Variants in GABPA observed in about 807,000 individuals in gnomAD.
GABPA encodes GA binding protein transcription factor subunit alpha, also known as GA-binding protein alpha chain.
Under a neutral mutation model 59.4 loss-of-function variants are expected in GABPA, and 4 were observed. That is an observed-to-expected ratio of 0.07 (90% CI 0.03 to 0.15). The LOEUF (loss-of-function observed/expected upper bound fraction) is 0.15, where lower values mean the gene tolerates loss of function less well. Ranked by LOEUF, GABPA falls within the 10% of genes least tolerant of loss-of-function variation. The pLI is 1.00. For synonymous variants in GABPA, 164 were observed against 183.1 expected (o/e 0.90, Z 0.84); for missense variants, 251 against 543.8 (o/e 0.46, Z 5.36).
At chr21:25,753,599 C>T (rs2035564903) in intron 5 of GABPA, among the ~76,000 whole-genome samples, 1 of 152,122 alleles carries the variant, frequency 6.6e-6, no homozygotes, top group South Asian at 2.1e-4. Context: ...AGAATGCTGA[C>T]TGATATCTAT....
In GABPA at chr21:25,771,287, T is replaced by C. The variant is rs995922831; in HGVS notation, c.*2055T>C. 6.6e-6 allele frequency: 1 copy of C among 152,014 alleles called. No individual in the cohort carries two copies. The highest frequency in any genetic ancestry group is 1.5e-5 in the Non-Finnish European group (1 of 67,880). The allele number at this position is 152,014 out of a possible 1,614,324, so 9.4% of individuals were successfully genotyped here. ...GTGTATGTTTTTAAAGCTAAAAACA[T>C]TACTTTTAGATCCCTAGAATGAAAA... On this transcript the variant is annotated 3_prime_UTR_variant, in exon 10 of 10. Coordinates refer to ENST00000400075, the MANE Select transcript of GABPA (RefSeq NM_002040.4).
chr21:25,750,169 G>T (rs1223033198), intron 4 of GABPA, among the ~76,000 whole-genome samples: 1 of 152,180 alleles, frequency 6.6e-6, no homozygotes, highest in African/African-American at 2.4e-5. Context: ...CGCATGTGCA[G>T]CTCACAGTAG....
At chr21:25,767,463 T>C (rs903656477) in intron 9 of GABPA, among the ~76,000 whole-genome samples, 7 of 151,992 alleles carry the variant, frequency 4.6e-5, no homozygotes, top group Non-Finnish European at 8.8e-5. Flanking sequence ...TAAATGCTAC[T>C]ATATACAGTT....
intron 6 of GABPA, among the ~76,000 whole-genome samples, chr21:25,761,348 A>T (rs188574423): frequency 6.6e-6 from 1 of 152,188 alleles, no homozygotes; most frequent in Non-Finnish European, 1.5e-5. Flanking sequence ...TATAGTCAGT[A>T]AGAGCTAAGA....
intron 3 of GABPA, among the ~76,000 whole-genome samples, chr21:25,746,382 T>A (rs886556781): frequency 6.6e-6 from 1 of 152,182 alleles, no homozygotes; most frequent in Non-Finnish European, 1.5e-5. Context: ...ATCGTTTGAT[T>A]TATTTTATTC....
At chr21:25,760,572 A>G (rs2035741602) in intron 6 of GABPA, among the ~76,000 whole-genome samples, 1 of 152,036 alleles carries the variant, frequency 6.6e-6, no homozygotes, top group South Asian at 2.1e-4. Context: ...TAATTAGGAA[A>G]TGTCCCAGTA....
At position 25,771,127 on chromosome 21, in the gene GABPA, A is replaced by T. The variant is rs981459158; in HGVS notation, c.*1895A>T. The stretch of plus-strand genomic sequence containing the variant: ...TTGACAAGTTGCTTGTAGTTTTAAA[A>T]AAATAATAAAGTATACCCTTCTGGT... On this transcript the variant is annotated 3_prime_UTR_variant, in exon 10 of 10. Transcript: ENST00000400075. The T allele has an allele frequency of 4.6e-5, 7 of 152,020 alleles. No individual in the cohort carries two copies. The highest frequency in any genetic ancestry group is 1.4e-4 in the African/African-American group (6 of 41,450). 9.4% of individuals were successfully genotyped at this position (152,020 alleles called of 1,614,324 possible). A position where few individuals can be genotyped will look rare whatever the true frequency, so the allele number is the denominator to read the frequency against.
chr21:25,767,829 A>C (rs1601159021), intron 9 of GABPA, among the ~76,000 whole-genome samples: 1 of 151,860 alleles, frequency 6.6e-6, no homozygotes, highest in Non-Finnish European at 1.5e-5. Flanking sequence ...AAACATAACT[A>C]TTTTTCTTTT....
chr21:25,736,737 C>G (rs1375591056), intron 1 of GABPA, among the ~76,000 whole-genome samples: 1 of 152,156 alleles, frequency 6.6e-6, no homozygotes, highest in Non-Finnish European at 1.5e-5. Context: ...AAAAATCATG[C>G]AGTGAACACG....
At chr21:25,750,662 C>A (rs1297907146) in intron 4 of GABPA, among the ~76,000 whole-genome samples, 1 of 152,202 alleles carries the variant, frequency 6.6e-6, no homozygotes, top group Non-Finnish European at 1.5e-5. Flanking sequence ...TTATGTTTCA[C>A]AAACCACATT....
In GABPA at chr21:25,745,266, A is replaced by G. The variant is rs756590811; in HGVS notation, c.134A>G (p.Asn45Ser). 62 of 1,613,892 alleles carry G rather than the reference A, an allele frequency of 3.8e-5. No individual in the cohort carries two copies. The highest frequency in any genetic ancestry group is 4.5e-5 in the Non-Finnish European group (53 of 1,179,880). ...TGTGTAAGCCAGGCCATAGACATCA[A>G]TGAACCAATAGGCAATTTAAAGAAA... Reference protein sequence around the residue: ...AECVSQAIDINEPIGNLKKLL... With the variant: ...AECVSQAIDISEPIGNLKKLL... The change falls in exon 3 of 10, where the codon AAT (asparagine) becomes AGT (serine). Residue 45 changes from asparagine (N) to serine (S), a missense_variant. Asn to Ser is a conservative substitution (Grantham distance 46). Transcript: ENST00000400075.
intron 3 of GABPA, among the ~76,000 whole-genome samples, chr21:25,747,179 T>A (rs1395547830): frequency 6.6e-6 from 1 of 152,232 alleles, no homozygotes; most frequent in Non-Finnish European, 1.5e-5. Context: ...CTCTCTTCAC[T>A]TGTTTGAGAC....
At chr21:25,744,701 C>CGTT (rs973737677) in intron 2 of GABPA, among the ~76,000 whole-genome samples, 12 of 151,614 alleles carry the variant, frequency 7.9e-5, no homozygotes, top group Non-Finnish European at 1.3e-4. Flanking sequence ...TTTTTTTAAA[C>CGTT]GTTGAGCTGT....
chr21:25,754,066 C>T (rs923655116), intron 5 of GABPA, among the ~76,000 whole-genome samples: 1 of 152,136 alleles, frequency 6.6e-6, no homozygotes, highest in Non-Finnish European at 1.5e-5. Context: ...ACTAATCACA[C>T]GTCAGCACTT....
intron 1 of GABPA, among the ~76,000 whole-genome samples, chr21:25,737,625 C>T (rs2035114142): frequency 6.6e-6 from 1 of 152,102 alleles, no homozygotes; most frequent in African/African-American, 2.4e-5. Context: ...TAGGGGAGCC[C>T]CAGGTGTCCC....
chr21:25,741,527 G>A (rs1346851188), intron 1 of GABPA, 46 bp from the exon 2 acceptor site: 5 of 1,046,016 alleles, frequency 4.8e-6, no homozygotes, highest in Non-Finnish European at 5.6e-6. Flanking sequence ...GTGTCATTTC[G>A]TTTATGTGGA....
chr21:25,755,198 C>T (rs76402418), intron 5 of GABPA, among the ~76,000 whole-genome samples: 5,346 of 152,070 alleles, frequency 0.035, 299 homozygotes, highest in African/African-American at 0.12. Context: ...CCTATAATCC[C>T]AGCACGTTGG....
At chr21:25,768,932 G>A (rs2035955780) in intron 9 of GABPA, 72 bp from the exon 10 acceptor site, 1 of 984,888 alleles carries the variant, frequency 1.0e-6, no homozygotes, top group Non-Finnish European at 1.6e-6. Flanking sequence ...TCTGCTTATG[G>A]AATAGTCTGT....
chr21:25,741,515 G>A (rs1176587377), intron 1 of GABPA, 58 bp from the exon 2 acceptor site: 32 of 845,234 alleles, frequency 3.8e-5, no homozygotes, highest in Non-Finnish European at 5.7e-5. Flanking sequence ...TCTACTTCTT[G>A]TGTGTCATTT....
Sources: allele counts gnomAD v4.1 joint callset (sites outside exome capture counted in the v4.1 genomes callset), GRCh38; gene constraint gnomAD v4.1.1; transcripts MANE v1.5; gene names NCBI Gene and HGNC (gene_info 2026-07-23, HGNC 2026-07-21).